PCDH9: variants seen among roughly 807,000 people sequenced by gnomAD.
PCDH9 encodes the protein protocadherin 9, also known as protocadherin-9.
Under a neutral mutation model 70.6 loss-of-function variants are expected in PCDH9, and 24 were observed. The ratio of observed to expected loss-of-function variants is 0.34; its 90% confidence interval spans 0.25 to 0.48. The LOEUF (loss-of-function observed/expected upper bound fraction) is 0.48. Among genes scored for constraint, PCDH9 ranks in the 20% least tolerant of loss-of-function variants. The pLI, the probability that PCDH9 is intolerant of heterozygous loss-of-function variation, is 0.99. For missense variants in PCDH9, 1,281 were observed against 1,503.6 expected (o/e 0.85, Z 2.45); for synonymous variants, 562 against 558.5 (o/e 1.01, Z -0.09).
chr13:66,955,788 T>C (rs2083257728), intron 2 of PCDH9, among the ~76,000 whole-genome samples: 1 of 152,150 alleles, frequency 6.6e-6, no homozygotes, highest in Admixed American at 6.5e-5. Flanking sequence ...GACAAACAGA[T>C]ACATAAGGGA....
At chr13:66,436,709 G>T (rs955676156) in intron 4 of PCDH9, among the ~76,000 whole-genome samples, 1 of 152,018 alleles carries the variant, frequency 6.6e-6, no homozygotes, top group African/African-American at 2.4e-5. Flanking sequence ...TGTCATAATT[G>T]TTGACATAAA....
At chr13:66,629,389 A>C (rs1467742203) in intron 4 of PCDH9, among the ~76,000 whole-genome samples, 1 of 152,202 alleles carries the variant, frequency 6.6e-6, no homozygotes, top group African/African-American at 2.4e-5. Context: ...GAGATGTTTT[A>C]AAATTGGAGA....
intron 3 of PCDH9, among the ~76,000 whole-genome samples, chr13:66,780,686 T>C (rs114534668): frequency 0.022 from 3,381 of 152,228 alleles, 134 homozygotes; most frequent in African/African-American, 0.075. Context: ...TTCAGTGCAA[T>C]GTATATACAT....
chr13:66,460,439 G>A (rs967110319), intron 4 of PCDH9, among the ~76,000 whole-genome samples: 2 of 151,820 alleles, frequency 1.3e-5, no homozygotes, highest in Admixed American at 1.3e-4. Context: ...GGTCACATTA[G>A]GAAATCTATA....
Position 66,358,708 on chromosome 13 carries a change from G to A in PCDH9, c.3341-53680C>T, listed in dbSNP as rs979712706. Reference sequence around the variant, plus strand: ...TCTGTCTCCTCCACATAAAATAAGTGTATTGTTTATTTCCATCTCCAACCT... The same window carrying A: ...TCTGTCTCCTCCACATAAAATAAGTATATTGTTTATTTCCATCTCCAACCT... On this transcript the variant is annotated intron_variant, in intron 4 of 4. Coordinates refer to ENST00000377865, the MANE Select transcript of PCDH9 (RefSeq NM_203487.3). 2.6e-5 allele frequency among the ~76,000 whole-genome samples: 4 copies of A among 151,852 alleles called. No individual in the cohort carries two copies. The East Asian group carries it at 7.7e-4, about 29-fold the overall frequency.
At chr13:66,530,896 A>AGGTATT (rs1330023135) in intron 4 of PCDH9, among the ~76,000 whole-genome samples, 3 of 151,904 alleles carry the variant, frequency 2.0e-5, no homozygotes, top group African/African-American at 7.2e-5. Context: ...TTGTGTGAAA[A>AGGTATT]TCACTGACTT....
intron 2 of PCDH9, among the ~76,000 whole-genome samples, chr13:67,051,381 GATTTTTT>G (rs1344625711): frequency 1.1e-5 from 1 of 87,730 alleles, no homozygotes; most frequent in East Asian, 2.9e-4. Context: ...AACAATACAA[GATTTTTT>G]TTTTTTTTTT....
chr13:66,592,842 G>A (rs2077054705), intron 4 of PCDH9, among the ~76,000 whole-genome samples: 4 of 151,702 alleles, frequency 2.6e-5, no homozygotes, highest in Admixed American at 2.6e-4. Context: ...ATTACTTTAC[G>A]TGAAAATGTT....
chr13:66,856,194 C>T (rs1425973654), intron 3 of PCDH9, among the ~76,000 whole-genome samples: 2 of 151,948 alleles, frequency 1.3e-5, no homozygotes, highest in Non-Finnish European at 2.9e-5. Context: ...ATTTCTCACA[C>T]ATTGAGGCAG....
chr13:67,189,207 CGTGT>C (rs71110636), intron 2 of PCDH9, among the ~76,000 whole-genome samples: 20 of 149,578 alleles, frequency 1.3e-4, no homozygotes, highest in South Asian at 4.2e-4. Flanking sequence ...TACATATATA[CGTGT>C]GTGTGTGTGT....
At chr13:66,864,530 C>T (rs1412048160) in intron 3 of PCDH9, among the ~76,000 whole-genome samples, 1 of 152,160 alleles carries the variant, frequency 6.6e-6, no homozygotes, top group East Asian at 1.9e-4. Context: ...TATCTCATTA[C>T]ATCACTATCA....
At chr13:66,598,297 A>G (rs1251445674) in intron 4 of PCDH9, among the ~76,000 whole-genome samples, 1 of 151,880 alleles carries the variant, frequency 6.6e-6, no homozygotes, top group African/African-American at 2.4e-5. Context: ...TATTCTAAAG[A>G]TAACCTAATT....
At chr13:66,430,394 G>C (rs1441488513) in intron 4 of PCDH9, among the ~76,000 whole-genome samples, 1 of 152,092 alleles carries the variant, frequency 6.6e-6, no homozygotes, top group African/African-American at 2.4e-5. Flanking sequence ...GTAGGAATGA[G>C]AGAAACTAGC....
intron 2 of PCDH9, among the ~76,000 whole-genome samples, chr13:66,999,832 A>C (rs1466467897): frequency 1.3e-5 from 2 of 152,206 alleles, no homozygotes; most frequent in Non-Finnish European, 2.9e-5. Context: ...GTCAGGAAAC[A>C]ACAGGTGCTG....
chr13:66,906,869 C>A (rs531760619), intron 2 of PCDH9, among the ~76,000 whole-genome samples: 205 of 152,146 alleles, frequency 1.3e-3, no homozygotes, highest in African/African-American at 4.7e-3. Context: ...TAACAAATTT[C>A]TACTTCCGGG....
chr13:66,470,991 C>T (rs1422807520), intron 4 of PCDH9, among the ~76,000 whole-genome samples: 1 of 150,784 alleles, frequency 6.6e-6, no homozygotes, highest in African/African-American at 2.4e-5. Flanking sequence ...AAAAGGCAGC[C>T]TTTATTAATG....
At chr13:66,415,444 A>C (rs544022503) in intron 4 of PCDH9, among the ~76,000 whole-genome samples, 107 of 152,288 alleles carry the variant, frequency 7.0e-4, no homozygotes, top group African/African-American at 2.4e-3. Flanking sequence ...CCATCTCTTC[A>C]TGGGTAGAAT....
intron 3 of PCDH9, among the ~76,000 whole-genome samples, chr13:66,715,933 A>T (rs1013413028): frequency 6.6e-6 from 1 of 152,212 alleles, no homozygotes; most frequent in Admixed American, 6.5e-5. Flanking sequence ...AATCTTTAAA[A>T]CACTTCATAA....
chr13:66,565,324 T>C (rs1448346265), intron 4 of PCDH9, among the ~76,000 whole-genome samples: 1 of 152,200 alleles, frequency 6.6e-6, no homozygotes, highest in African/African-American at 2.4e-5. Context: ...GAAGAATAAT[T>C]ATCTAGTTTT....
Sources: allele counts gnomAD v4.1 joint callset (sites outside exome capture counted in the v4.1 genomes callset), GRCh38; gene constraint gnomAD v4.1.1; transcripts MANE v1.5; gene names NCBI Gene and HGNC (gene_info 2026-07-23, HGNC 2026-07-21).